The following GPC4 variants were observed in gnomAD, a reference collection of about 807,000 sequenced individuals.
GPC4 encodes glypican 4, also known as glypican-4.
GPC4 carries 10 observed loss-of-function variants against 35.0 expected under a neutral mutation model. The observed-to-expected ratio is 0.29, with a 90% confidence interval of 0.18 to 0.48. The LOEUF is 0.48. GPC4 is among the 20% of genes least tolerant of loss of function. The pLI is 0.99. For synonymous variants in GPC4, 167 were observed against 170.2 expected (o/e 0.98, Z 0.15); for missense variants, 322 against 451.3 (o/e 0.71, Z 2.60).
chrX:133,380,963 C>T lies in GPC4; in HGVS notation c.160+33843G>A, dbSNP rs958012802. ...TAATCCTTCTAGAGCTCAGCCCTGGCGGATGCCTCATCCACACCAGCAATT... is the reference window on the plus strand; with the variant it reads ...TAATCCTTCTAGAGCTCAGCCCTGGTGGATGCCTCATCCACACCAGCAATT... On this transcript the variant is annotated intron_variant, in intron 1 of 8. Coordinates refer to ENST00000370828, the MANE Select transcript of GPC4 (RefSeq NM_001448.3). Among the ~76,000 whole-genome samples, 5 of 112,133 alleles carry T rather than the reference C, an allele frequency of 4.5e-5. No individual in the cohort carries two copies. In the East Asian group the frequency reaches 8.4e-4, roughly 19 times the overall value.
At chrX:133,404,546 C>CAAAAAAAAAAAAAAAAAAAAA (rs766777711) in intron 1 of GPC4, among the ~76,000 whole-genome samples, 3 of 37,376 alleles carry the variant, frequency 8.0e-5, no homozygotes, top group Admixed American at 3.5e-4. Context: ...GACTCTGCCT[C>CAAAAAAAAAAAAAAAAAAAAA]AAAAAAAAAA....
intron 1 of GPC4, among the ~76,000 whole-genome samples, chrX:133,355,910 C>T (rs748104742): frequency 8.9e-6 from 1 of 111,788 alleles, no homozygotes; most frequent in African/African-American, 3.2e-5. Context: ...CTTTCCCTTC[C>T]ACCATGATTG....
At chrX:133,332,838 A>G (rs758356192) in intron 2 of GPC4, among the ~76,000 whole-genome samples, 6 of 112,581 alleles carry the variant, frequency 5.3e-5, no homozygotes, top group South Asian at 3.7e-4. Context: ...AACATCGTAC[A>G]TAAGTGTTTA....
At chrX:133,381,613 G>T (rs2068660886) in intron 1 of GPC4, among the ~76,000 whole-genome samples, 1 of 112,355 alleles carries the variant, frequency 8.9e-6, no homozygotes. Flanking sequence ...TTAAACTTCA[G>T]ATGTCTTCAA....
chrX:133,393,858 G>C (rs1221004381), intron 1 of GPC4, among the ~76,000 whole-genome samples: 1 of 111,508 alleles, frequency 9.0e-6, no homozygotes, highest in African/African-American at 3.3e-5. Flanking sequence ...TAACTTAAGG[G>C]AATATTATTC....
chrX:133,312,733 T>G (rs1372897104), intron 3 of GPC4, among the ~76,000 whole-genome samples: 1 of 110,267 alleles, frequency 9.1e-6, no homozygotes, highest in African/African-American at 3.3e-5. Flanking sequence ...GGACACCATA[T>G]GGCAGGACAC....
intron 1 of GPC4, among the ~76,000 whole-genome samples, chrX:133,391,125 C>T (rs946991591): frequency 8.9e-6 from 1 of 111,923 alleles, no homozygotes; most frequent in Non-Finnish European, 1.9e-5. Context: ...AAACCCATCC[C>T]GAATCAAATT....
intron 1 of GPC4, among the ~76,000 whole-genome samples, chrX:133,365,731 C>T (rs958095680): frequency 8.9e-6 from 1 of 112,346 alleles, no homozygotes; most frequent in Non-Finnish European, 1.9e-5. Flanking sequence ...AGTTAGAATG[C>T]ATTTATTTTC....
intron 1 of GPC4, among the ~76,000 whole-genome samples, chrX:133,372,140 C>T (rs921227717): frequency 9.4e-6 from 1 of 105,873 alleles, no homozygotes; most frequent in Admixed American, 1.0e-4. Flanking sequence ...GGCTGAGGAT[C>T]GCTTGAACCT....
chrX:133,343,602 G>A (rs1185176613), intron 1 of GPC4, among the ~76,000 whole-genome samples: 1 of 110,868 alleles, frequency 9.0e-6, no homozygotes, highest in East Asian at 2.8e-4. Context: ...TTTCTTTGTG[G>A]GTCAGTGGCC....
chrX:133,324,550 C>CAAA lies in GPC4; in HGVS notation c.320-17_320-15dup, dbSNP rs57898529. ...CTTTGAAGAATTCTGAAACCAACAC[C>CAAA]AAAAAAAAAAAAAAAAAAAGGAAAA... On this transcript the variant is annotated splice_polypyrimidine_tract_variant and intron_variant, in intron 2 of 8. Coordinates refer to ENST00000370828, the MANE Select transcript of GPC4 (RefSeq NM_001448.3). The CAAA allele has an allele frequency of 1.8e-4, 148 of 806,798 alleles. No individual in the cohort carries two copies. The highest frequency in any genetic ancestry group is 5.0e-4 in the Middle Eastern group (1 of 1,984). The allele number at this position is 806,798 out of a possible 1,213,427, so 66.5% of individuals were successfully genotyped here.
chrX:133,307,255 T>C (rs1471400582), intron 4 of GPC4, among the ~76,000 whole-genome samples: 1 of 111,862 alleles, frequency 8.9e-6, no homozygotes, highest in East Asian at 2.8e-4. Flanking sequence ...AGAACACAGC[T>C]GACAATTGCA....
chrX:133,322,737 G>A (rs1477720126), intron 3 of GPC4, among the ~76,000 whole-genome samples: 2 of 112,219 alleles, frequency 1.8e-5, no homozygotes, highest in Admixed American at 9.4e-5. Flanking sequence ...TTTTTATGCT[G>A]TCCATTCTTC....
At chrX:133,402,193 A>T (rs2068769731) in intron 1 of GPC4, among the ~76,000 whole-genome samples, 1 of 112,253 alleles carries the variant, frequency 8.9e-6, no homozygotes, top group Admixed American at 9.5e-5. Context: ...TTGCAAGGAC[A>T]CAGTGCTTTG....
At chrX:133,312,784 A>G (rs2068322056) in intron 3 of GPC4, among the ~76,000 whole-genome samples, 1 of 111,273 alleles carries the variant, frequency 9.0e-6, no homozygotes, top group African/African-American at 3.3e-5. Flanking sequence ...GGAAAGGAAG[A>G]AAGACAGAAA....
intron 2 of GPC4, among the ~76,000 whole-genome samples, chrX:133,335,899 C>T (rs1213614127): frequency 8.9e-6 from 1 of 111,893 alleles, no homozygotes; most frequent in East Asian, 2.8e-4. Flanking sequence ...ACACTGTAAG[C>T]TTGCAGATGA....
intron 3 of GPC4, among the ~76,000 whole-genome samples, chrX:133,313,385 C>A (rs1466082410): frequency 8.9e-6 from 1 of 112,842 alleles, no homozygotes; most frequent in Non-Finnish European, 1.9e-5. Context: ...CAGTTTTAAC[C>A]ATTCCCAAAT....
At chrX:133,368,946 G>C (rs1219388355) in intron 1 of GPC4, among the ~76,000 whole-genome samples, 1 of 111,151 alleles carries the variant, frequency 9.0e-6, no homozygotes, top group Non-Finnish European at 1.9e-5. Flanking sequence ...ACGCCCGACC[G>C]AGTAACATTA....
intron 1 of GPC4, among the ~76,000 whole-genome samples, chrX:133,351,070 A>C (rs2068514087): frequency 8.9e-6 from 1 of 112,557 alleles, no homozygotes; most frequent in Admixed American, 9.4e-5. Context: ...ATGCCCTACA[A>C]TTTATTACCA....
Sources: gnomAD v4.1 joint callset for allele counts (sites outside exome capture counted in the v4.1 genomes callset) on GRCh38, gnomAD v4.1.1 for gene constraint, MANE v1.5 for transcripts, NCBI Gene and HGNC (gene_info 2026-07-23, HGNC 2026-07-21) for gene names.